Variants in KCNMA1 observed in about 807,000 individuals in gnomAD.
KCNMA1 encodes potassium calcium-activated channel subfamily M alpha 1.
KCNMA1 carries 29 observed loss-of-function variants against 140.0 expected under a neutral mutation model. The observed-to-expected ratio is 0.21, with a 90% CI of 0.15 to 0.28. The LOEUF (loss-of-function observed/expected upper bound fraction) is 0.28, where lower values mean the gene tolerates loss of function less well. KCNMA1 is among the 10% of genes least tolerant of loss of function. The probability of loss-of-function intolerance (pLI) is 1.00; values close to 1 mark genes in which losing one functional copy is unlikely to be tolerated. For synonymous variants in KCNMA1, 612 were observed against 611.9 expected (o/e 1.00, Z 0.00); for missense variants, 880 against 1,602.2 (o/e 0.55, Z 7.70).
chr10:77,258,594 T>G (rs368938092), intron 2 of KCNMA1, among the ~76,000 whole-genome samples: 1 of 152,172 alleles, frequency 6.6e-6, no homozygotes, highest in East Asian at 1.9e-4. Flanking sequence ...AAGAAAATGA[T>G]TTTTTTCTCT....
downstream of KCNMA1, among the ~76,000 whole-genome samples, chr10:76,881,590 GA>G (rs2034682075): frequency 1.3e-5 from 2 of 152,302 alleles, no homozygotes; most frequent in South Asian, 2.1e-4. Flanking sequence ...GTGCTCATGA[GA>G]ATGCCTGGCC....
chr10:76,957,898 G>A (rs904729211), intron 20 of KCNMA1, among the ~76,000 whole-genome samples: 2 of 152,208 alleles, frequency 1.3e-5, no homozygotes, highest in African/African-American at 2.4e-5. Flanking sequence ...GTCTGTAACT[G>A]TTTCTGGCCA....
intron 1 of KCNMA1, chr10:77,498,961 C>G (rs565878728): frequency 1.3e-5 from 2 of 152,360 alleles, no homozygotes; most frequent in East Asian, 1.9e-4. Flanking sequence ...GCTCAACCCT[C>G]TGGACATGCG....
chr10:77,117,561 A>AAAAAAAAAAAAAAAG (rs1554837398), intron 6 of KCNMA1, among the ~76,000 whole-genome samples: 11 of 147,550 alleles, frequency 7.5e-5, no homozygotes, highest in African/African-American at 2.8e-4. Flanking sequence ...AAAAAAAAAA[A>AAAAAAAAAAAAAAAG]AAAAGAAAAG....
intron 1 of KCNMA1, among the ~76,000 whole-genome samples, chr10:77,529,081 T>A (rs2056840611): frequency 6.6e-6 from 1 of 151,994 alleles, no homozygotes; most frequent in Non-Finnish European, 1.5e-5. Flanking sequence ...GTGTGTATAT[T>A]TTACCATAAT....
chr10:77,613,589 C>A (rs1398979974), intron 1 of KCNMA1, among the ~76,000 whole-genome samples: 1 of 152,214 alleles, frequency 6.6e-6, no homozygotes, highest in Non-Finnish European at 1.5e-5. Flanking sequence ...GGTTAATTAG[C>A]AGTAAACAGA....
intron 27 of KCNMA1, 84 bp downstream of exon 27, chr10:76,889,367 C>T: frequency 5.5e-6 from 5 of 913,020 alleles, no homozygotes; most frequent in Non-Finnish European, 9.2e-6. Context: ...TGTATACAGA[C>T]CTTTGCCTTT....
intron 1 of KCNMA1, among the ~76,000 whole-genome samples, chr10:77,422,927 T>A (rs2096898163): frequency 6.6e-6 from 1 of 152,236 alleles, no homozygotes; most frequent in Non-Finnish European, 1.5e-5. Context: ...AGACAATAAA[T>A]TAACATTGTT....
At chr10:76,905,468 C>G (rs1287115774) in intron 25 of KCNMA1, among the ~76,000 whole-genome samples, 2 of 152,194 alleles carry the variant, frequency 1.3e-5, no homozygotes, top group Non-Finnish European at 2.9e-5. Flanking sequence ...CAGATGTGGT[C>G]TATTGTACTC....
intron 2 of KCNMA1, among the ~76,000 whole-genome samples, chr10:77,393,252 T>A (rs535442073): frequency 6.0e-5 from 9 of 148,888 alleles, no homozygotes; most frequent in African/African-American, 2.2e-4. Context: ...TTGGAAGATG[T>A]CTGGGTTTGG....
At chr10:77,046,658 T>C (rs1051923318) in intron 14 of KCNMA1, among the ~76,000 whole-genome samples, 1 of 152,206 alleles carries the variant, frequency 6.6e-6, no homozygotes, top group Non-Finnish European at 1.5e-5. Flanking sequence ...TCTCCTCCTC[T>C]ATTTCCCTCT....
chr10:77,636,080 G>A, intron 1 of KCNMA1: 1 of 483,600 alleles, frequency 2.1e-6, no homozygotes. Flanking sequence ...ACATGTGGAG[G>A]CTGCAATGTG....
chr10:76,900,796 A>G (rs1015376819), intron 25 of KCNMA1, among the ~76,000 whole-genome samples: 1 of 152,054 alleles, frequency 6.6e-6, no homozygotes, highest in African/African-American at 2.4e-5. Context: ...GCCATAATGT[A>G]TGAGATGGCT....
intron 9 of KCNMA1, among the ~76,000 whole-genome samples, chr10:77,097,650 G>C (rs1000869912): frequency 6.6e-6 from 1 of 152,038 alleles, no homozygotes; most frequent in Non-Finnish European, 1.5e-5. Flanking sequence ...ATGAGAGTGT[G>C]TATCAGTCCC....
intron 14 of KCNMA1, among the ~76,000 whole-genome samples, chr10:77,058,801 AAAG>A (rs1277485901): frequency 6.6e-6 from 1 of 152,034 alleles, no homozygotes; most frequent in Non-Finnish European, 1.5e-5. Flanking sequence ...TTACACCAAA[AAAG>A]AAGAGTCTCA....
chr10:77,127,071 A>AACACACACACAC (rs60249347), intron 5 of KCNMA1, among the ~76,000 whole-genome samples: 1 of 146,368 alleles, frequency 6.8e-6, no homozygotes, highest in Non-Finnish European at 1.5e-5. Context: ...CACACACACA[A>AACACACACACAC]ACACACACAC....
chr10:77,039,886 T>TTTC (rs1555164250), intron 14 of KCNMA1, among the ~76,000 whole-genome samples: 8 of 126,722 alleles, frequency 6.3e-5, no homozygotes, highest in Non-Finnish European at 1.3e-4. Context: ...TCTTTTTCTT[T>TTTC]TTTTTTTTTT....
intron 2 of KCNMA1, among the ~76,000 whole-genome samples, chr10:77,393,831 AGG>A (rs891062618): frequency 1.3e-5 from 2 of 152,272 alleles, no homozygotes; most frequent in Non-Finnish European, 2.9e-5. Flanking sequence ...ACAAAGGGGC[AGG>A]GTTTCTCACT....
chr10:77,415,474 C>T (rs2096719817), intron 1 of KCNMA1, among the ~76,000 whole-genome samples: 1 of 152,222 alleles, frequency 6.6e-6, no homozygotes. Flanking sequence ...CCCAGAAGCT[C>T]AGCTCAAGAC....
Sources: allele counts gnomAD v4.1 joint callset (sites outside exome capture counted in the v4.1 genomes callset), GRCh38; gene constraint gnomAD v4.1.1; transcripts MANE v1.5; gene names NCBI Gene and HGNC (gene_info 2026-07-23, HGNC 2026-07-21).